The following CADM2 variants were observed in gnomAD, a reference collection of about 807,000 sequenced individuals.
CADM2 encodes immunoglobulin superfamily member 4D.
CADM2 carries 12 observed loss-of-function variants against 49.8 expected under a neutral mutation model. The observed-to-expected ratio is 0.24, with a 90% CI of 0.15 to 0.39. The LOEUF is 0.39. CADM2 is among the 10% of genes least tolerant of loss of function. The pLI, the probability that CADM2 is intolerant of heterozygous loss-of-function variation, is 1.00. For missense variants in CADM2, 378 were observed against 492.3 expected (o/e 0.77, Z 2.20); for synonymous variants, 214 against 175.4 (o/e 1.22, Z -1.74).
At chr3:85,668,600 G>T (rs755237493) in intron 1 of CADM2, among the ~76,000 whole-genome samples, 2 of 151,452 alleles carry the variant, frequency 1.3e-5, no homozygotes, top group Non-Finnish European at 2.9e-5. Context: ...TTTAAAAATG[G>T]GAGTTTCCCT....
chr3:86,059,304 T>C (rs1050348424), intron 8 of CADM2, among the ~76,000 whole-genome samples: 1 of 152,216 alleles, frequency 6.6e-6, no homozygotes, highest in African/African-American at 2.4e-5. Context: ...GATTTCTCCA[T>C]ATTAAGATTT....
chr3:85,445,536 G>T (rs1034997446), intron 1 of CADM2, among the ~76,000 whole-genome samples: 11 of 151,838 alleles, frequency 7.2e-5, no homozygotes, highest in African/African-American at 2.4e-4. Context: ...AATATTTTTT[G>T]AAAAACAATA....
At chr3:85,765,381 A>G (rs909614651) in intron 2 of CADM2, among the ~76,000 whole-genome samples, 1 of 152,082 alleles carries the variant, frequency 6.6e-6, no homozygotes, top group Non-Finnish European at 1.5e-5. Flanking sequence ...TGTAATCCTC[A>G]TATTAAGTAC....
At position 85,407,998 on chromosome 3, in the gene CADM2, A is replaced by G. The variant is rs544125202; in HGVS notation, c.62-318524A>G. Reference sequence around the variant, plus strand: ...GCAAGACCCTGCCTCTTTAAACAAAACAAAACAAAACCAAAAAAAAAAAAA... The same window carrying G: ...GCAAGACCCTGCCTCTTTAAACAAAGCAAAACAAAACCAAAAAAAAAAAAA... On this transcript the variant is annotated intron_variant, in intron 1 of 9. Coordinates refer to ENST00000383699, the MANE Select transcript of CADM2 (RefSeq NM_001167675.2). Among the ~76,000 whole-genome samples, 45 of 137,788 alleles carry G rather than the reference A, an allele frequency of 3.3e-4. No individual in the cohort carries two copies. In the East Asian group the frequency reaches 8.9e-3, roughly 27 times the overall value. The allele number at this position is 137,788 out of a possible 152,430, so 90.4% of individuals were successfully genotyped here.
At chr3:86,023,440 C>A (rs1476789088) in intron 8 of CADM2, among the ~76,000 whole-genome samples, 2 of 151,990 alleles carry the variant, frequency 1.3e-5, no homozygotes, top group African/African-American at 4.8e-5. Context: ...CTCACTGCAA[C>A]CTCCACCTCC....
At chr3:85,435,374 T>C (rs1025385475) in intron 1 of CADM2, among the ~76,000 whole-genome samples, 5 of 152,160 alleles carry the variant, frequency 3.3e-5, no homozygotes, top group African/African-American at 1.2e-4. Flanking sequence ...TGCATAGTAT[T>C]CCATGGTGTA....
chr3:85,769,690 G>T (rs1316898868), intron 2 of CADM2, among the ~76,000 whole-genome samples: 1 of 129,076 alleles, frequency 7.7e-6, no homozygotes, highest in Admixed American at 8.0e-5. Context: ...ACATATATAT[G>T]ATTTGTTCTA....
intron 8 of CADM2, 23 bp downstream of exon 8, chr3:85,961,670 T>C: frequency 2.0e-6 from 3 of 1,499,522 alleles, no homozygotes; most frequent in Non-Finnish European, 1.8e-6. Flanking sequence ...TGGAAAACAT[T>C]ATATGTGAAA....
chr3:85,194,060 C>T (rs566381927), intron 1 of CADM2, among the ~76,000 whole-genome samples: 2 of 151,990 alleles, frequency 1.3e-5, no homozygotes, highest in South Asian at 4.1e-4. Flanking sequence ...GTCAGAGAAG[C>T]CTTCCTAAAG....
At chr3:85,463,521 T>C (rs2038349323) in intron 1 of CADM2, among the ~76,000 whole-genome samples, 1 of 152,166 alleles carries the variant, frequency 6.6e-6, no homozygotes, top group African/African-American at 2.4e-5. Context: ...CCTCAGTGAA[T>C]TCATATTATC....
chr3:85,515,454 G>T (rs1193298229), intron 1 of CADM2, among the ~76,000 whole-genome samples: 1 of 143,838 alleles, frequency 7.0e-6, no homozygotes, highest in Non-Finnish European at 1.5e-5. Flanking sequence ...TATGGAGTCT[G>T]GCTCTGTTGC....
intron 2 of CADM2, among the ~76,000 whole-genome samples, chr3:85,759,333 C>A (rs146227899): frequency 9.9e-5 from 15 of 152,120 alleles, no homozygotes; most frequent in African/African-American, 3.6e-4. Flanking sequence ...AACACAATAT[C>A]AAAATGTTAT....
chr3:85,132,642 A>ATTTTT (rs201881387), intron 1 of CADM2, among the ~76,000 whole-genome samples: 2 of 151,518 alleles, frequency 1.3e-5, no homozygotes, highest in Admixed American at 1.3e-4. Flanking sequence ...ATATATATAT[A>ATTTTT]TTTAGTCATT....
chr3:85,829,117 T>A (rs370207392), intron 3 of CADM2, among the ~76,000 whole-genome samples: 1 of 151,968 alleles, frequency 6.6e-6, no homozygotes, highest in Admixed American at 6.6e-5. Context: ...CAAGATTATG[T>A]GTGTGAATAA....
intron 1 of CADM2, among the ~76,000 whole-genome samples, chr3:85,636,810 A>G (rs1337923728): frequency 6.6e-6 from 1 of 152,224 alleles, no homozygotes; most frequent in Non-Finnish European, 1.5e-5. Flanking sequence ...CAATACAATA[A>G]CATGCTGTAT....
intron 1 of CADM2, among the ~76,000 whole-genome samples, chr3:85,095,016 T>G (rs927521302): frequency 1.3e-5 from 2 of 152,198 alleles, no homozygotes; most frequent in Non-Finnish European, 2.9e-5. Context: ...TGATAGTACT[T>G]TCTTTGAACT....
At chr3:85,683,222 G>GAA (rs11439176) in intron 1 of CADM2, among the ~76,000 whole-genome samples, 1 of 151,436 alleles carries the variant, frequency 6.6e-6, no homozygotes, top group African/African-American at 2.4e-5. Context: ...TCTCTTGAAG[G>GAA]AAAAAAAAGG....
chr3:85,107,695 T>C, intron 1 of CADM2, among the ~76,000 whole-genome samples: 1 of 141,412 alleles, frequency 7.1e-6, no homozygotes, highest in Non-Finnish European at 1.5e-5. Context: ...CTTTCTTTCT[T>C]TCTCTTTCTT....
chr3:86,019,141 TC>T (rs1283784096), intron 8 of CADM2, among the ~76,000 whole-genome samples: 5 of 116,816 alleles, frequency 4.3e-5, no homozygotes, highest in Non-Finnish European at 7.0e-5. Context: ...GGGAATCCTT[TC>T]CCCATTGCTT....
Sources: allele counts gnomAD v4.1 joint callset (sites outside exome capture counted in the v4.1 genomes callset), GRCh38; gene constraint gnomAD v4.1.1; transcripts MANE v1.5; gene names NCBI Gene and HGNC (gene_info 2026-07-23, HGNC 2026-07-21).